Variants in RIMS2 observed in about 807,000 individuals in gnomAD.
RIMS2 encodes the protein regulating synaptic membrane exocytosis 2.
RIMS2 carries 59 observed loss-of-function variants against 174.4 expected under a neutral mutation model. The ratio of observed to expected loss-of-function variants is 0.34; its 90% CI spans 0.27 to 0.42. The LOEUF (loss-of-function observed/expected upper bound fraction) is 0.42, where lower values mean the gene tolerates loss of function less well. Among genes scored for constraint, RIMS2 ranks in the 10% least tolerant of loss-of-function variants. The pLI, the probability that RIMS2 is intolerant of heterozygous loss-of-function variation, is 1.00. For missense variants in RIMS2, 1,620 were observed against 1,666.3 expected (o/e 0.97, Z 0.48); for synonymous variants, 606 against 572.5 (o/e 1.06, Z -0.84).
intron 2 of RIMS2, among the ~76,000 whole-genome samples, chr8:103,702,502 TG>T (rs1469771560): frequency 6.8e-6 from 1 of 146,736 alleles, no homozygotes; most frequent in Non-Finnish European, 1.5e-5. Flanking sequence ...AATAAATATT[TG>T]CCTAGACCAT....
At chr8:104,000,733 T>A (rs945667455) in intron 17 of RIMS2, among the ~76,000 whole-genome samples, 1 of 151,840 alleles carries the variant, frequency 6.6e-6, no homozygotes, top group Non-Finnish European at 1.5e-5. Flanking sequence ...ATTTTCAGAA[T>A]TTTTTTATAA....
intron 19 of RIMS2, among the ~76,000 whole-genome samples, chr8:104,181,706 A>T (rs1024692534): frequency 6.6e-6 from 1 of 151,730 alleles, no homozygotes. Flanking sequence ...CCAGGATTTT[A>T]TGAAAATAAT....
intron 19 of RIMS2, among the ~76,000 whole-genome samples, chr8:104,137,444 A>G (rs2098530482): frequency 6.6e-6 from 1 of 152,200 alleles, no homozygotes; most frequent in African/African-American, 2.4e-5. Context: ...CATTTATTCA[A>G]CATATATTTG....
intron 1 of RIMS2, among the ~76,000 whole-genome samples, chr8:103,600,382 G>A (rs769812104): frequency 7.9e-5 from 12 of 152,116 alleles, no homozygotes; most frequent in Admixed American, 3.3e-4. Flanking sequence ...CAATTATCAT[G>A]CCTCAGCATC....
chr8:103,572,397 GAGCACTGATTGGTCCA>G (rs1252345550), intron 1 of RIMS2, among the ~76,000 whole-genome samples: 7,285 of 150,548 alleles, frequency 0.048, 584 homozygotes, highest in African/African-American at 0.17. Context: ...CCATTTTACA[GAGCACTGATTGGTCCA>G]TTTTACAGAG....
chr8:104,034,035 A>G (rs2096458139), intron 19 of RIMS2, among the ~76,000 whole-genome samples: 1 of 152,182 alleles, frequency 6.6e-6, no homozygotes, highest in African/African-American at 2.4e-5. Flanking sequence ...CCACTTCAAT[A>G]AATTGTCAAA....
chr8:104,229,110 C>T (rs1424253251), intron 19 of RIMS2, among the ~76,000 whole-genome samples: 1 of 152,192 alleles, frequency 6.6e-6, no homozygotes, highest in Admixed American at 6.5e-5. Context: ...CATCCTTTAA[C>T]AGGTTCACTA....
rs544182511 is a variant in RIMS2, at chr8:104,064,118, G to A, written c.3334+49503G>A. ...AACTTTTTTTATATTGGATGTCATA[G>A]CAGCTTTATCAATATAACTTTAACT... On this transcript the variant is annotated intron_variant, in intron 19 of 23. Coordinates refer to ENST00000504942, the Ensembl canonical transcript of RIMS2. Among the ~76,000 whole-genome samples, 3 of 152,176 alleles carry A rather than the reference G, an allele frequency of 2.0e-5. No individual in the cohort carries two copies. In the South Asian group the frequency reaches 6.2e-4, roughly 32 times the overall value.
intron 15 of RIMS2, among the ~76,000 whole-genome samples, chr8:103,962,520 G>A (rs1387170501): frequency 1.3e-5 from 2 of 152,134 alleles, no homozygotes; most frequent in African/African-American, 4.8e-5. Flanking sequence ...ACACTGAAAA[G>A]ACTGCCATGA....
At chr8:104,119,996 AG>A (rs2098346076) in intron 19 of RIMS2, among the ~76,000 whole-genome samples, 1 of 152,192 alleles carries the variant, frequency 6.6e-6, no homozygotes, top group African/African-American at 2.4e-5. Flanking sequence ...CTGTCCAATA[AG>A]TTTTTTAGCA....
At chr8:104,222,490 AG>A (rs1190913684) in intron 19 of RIMS2, among the ~76,000 whole-genome samples, 2 of 152,216 alleles carry the variant, frequency 1.3e-5, no homozygotes, top group African/African-American at 4.8e-5. Context: ...TGACAGGGTT[AG>A]GACTGAATAG....
intron 2 of RIMS2, among the ~76,000 whole-genome samples, chr8:103,698,096 T>G (rs7016802): frequency 0.18 from 26,781 of 152,210 alleles, 2,564 homozygotes; most frequent in African/African-American, 0.23. Context: ...CATACATTAC[T>G]TAGACATAAT....
At chr8:103,810,301 C>T (rs116853318) in intron 3 of RIMS2, among the ~76,000 whole-genome samples, 2,023 of 151,946 alleles carry the variant, frequency 0.013, 24 homozygotes, top group Non-Finnish European at 0.019. Context: ...GGAAGGTGGG[C>T]AGGGAAAGAT....
chr8:104,198,212 G>A (rs1320253594), intron 19 of RIMS2, among the ~76,000 whole-genome samples: 1 of 152,170 alleles, frequency 6.6e-6, no homozygotes, highest in East Asian at 1.9e-4. Context: ...AGGCAACAAA[G>A]GTTGAGACAA....
At chr8:103,551,570 A>G (rs1050232980) in intron 1 of RIMS2, among the ~76,000 whole-genome samples, 2 of 152,194 alleles carry the variant, frequency 1.3e-5, no homozygotes, top group Non-Finnish European at 2.9e-5. Context: ...CACCACTCCT[A>G]TTCAGCATAG....
chr8:103,530,247 T>TA (rs1285701481), intron 1 of RIMS2, among the ~76,000 whole-genome samples: 2 of 152,166 alleles, frequency 1.3e-5, no homozygotes, highest in South Asian at 4.1e-4. Flanking sequence ...GAGTTTATTT[T>TA]AAAATGTTAG....
At chr8:103,932,617 A>T (rs2080227568) in intron 12 of RIMS2, among the ~76,000 whole-genome samples, 2 of 152,224 alleles carry the variant, frequency 1.3e-5, no homozygotes, top group Admixed American at 1.3e-4. Flanking sequence ...ACATTACTTA[A>T]GTTTCTACTT....
rs74831156 is a variant in RIMS2 at position 104,037,559 on chromosome 8, G to A, written c.3334+22944G>A. Among the ~76,000 whole-genome samples, 6 of 152,254 alleles carry A rather than the reference G, an allele frequency of 3.9e-5. No individual in the cohort carries two copies. The East Asian group carries it at 7.7e-4, about 20-fold the overall frequency. On this transcript the variant is annotated intron_variant, in intron 19 of 23. Coordinates refer to ENST00000504942, the Ensembl canonical transcript of RIMS2. ...ATCAAACACCCTTGGTGAAAACTGC[G>A]TTTGTGGATAAAGAGGCCCCAAGTG...
intron 3 of RIMS2, among the ~76,000 whole-genome samples, chr8:103,807,936 A>C (rs996316636): frequency 3.3e-5 from 5 of 152,134 alleles, no homozygotes; most frequent in African/African-American, 9.7e-5. Context: ...TTAGATTTGC[A>C]TGAGTTTATT....
Sources: gnomAD v4.1 joint callset for allele counts (sites outside exome capture counted in the v4.1 genomes callset) on GRCh38, gnomAD v4.1.1 for gene constraint, MANE v1.5 for transcripts, NCBI Gene and HGNC (gene_info 2026-07-23, HGNC 2026-07-21) for gene names.